The following ZBTB38 variants were observed in gnomAD, a reference collection of about 807,000 sequenced individuals.
ZBTB38 encodes zinc finger and BTB domain containing 38, also known as zinc finger and BTB domain-containing protein 38.
A neutral mutation model predicts 76.8 loss-of-function variants in ZBTB38; 20 were observed. The ratio of observed to expected loss-of-function variants is 0.26; its 90% CI spans 0.18 to 0.38. The LOEUF is 0.38. Among genes scored for constraint, ZBTB38 ranks in the 10% least tolerant of loss-of-function variants. ZBTB38 has a pLI of 1.00. For missense variants in ZBTB38, 1,082 were observed against 1,482.3 expected, an observed-to-expected ratio of 0.73 and a Z score of 4.43; for synonymous variants, 504 against 544.2, an observed-to-expected ratio of 0.93 and a Z score of 1.03.
At chr3:141,419,291 A>C (rs1223212592) in intron 5 of ZBTB38, among the ~76,000 whole-genome samples, 2 of 152,212 alleles carry the variant, frequency 1.3e-5, no homozygotes, top group African/African-American at 2.4e-5. Flanking sequence ...ACCTCCCACC[A>C]GGCCCCTCCT....
In ZBTB38 at chr3:141,443,978, A is replaced by C; in HGVS notation, c.1590A>C (p.Ile530=). ...TTGAAACTTTCATGACCTACTATAT[A>C]CTCAAAAATCATCAGAAGTCTTTCC... ...FCLETFMTYY[I]LKNHQKSFHA... The change falls in exon 6 of 6, where the codon ATA becomes ATC. Residue 530 remains isoleucine, a synonymous_variant. Coordinates refer to ENST00000321464, the MANE Select transcript of ZBTB38 (RefSeq NM_001376113.1). The surrounding 1 kb of genome is among the most constrained non-coding windows in gnomAD (Gnocchi z 5.6). 1 of 1,614,064 alleles carries C rather than the reference A, an allele frequency of 6.2e-7. No individual in the cohort carries two copies. Among genetic ancestry groups the C allele is most frequent in the African/African-American group, 1.3e-5 (1 of 74,990 alleles).
intron 1 of ZBTB38, among the ~76,000 whole-genome samples, chr3:141,346,338 G>A (rs987049347): frequency 2.0e-5 from 3 of 152,164 alleles, no homozygotes; most frequent in South Asian, 2.1e-4. Flanking sequence ...TAACCTTGAC[G>A]CTGGAGTGAG....
At chr3:141,337,250 A>T (rs1409224643) in intron 1 of ZBTB38, among the ~76,000 whole-genome samples, 1 of 152,204 alleles carries the variant, frequency 6.6e-6, no homozygotes. Flanking sequence ...TTACTCCACA[A>T]TACCTGTTGA....
chr3:141,419,969 A>G (rs1311641279), intron 5 of ZBTB38, among the ~76,000 whole-genome samples: 2 of 152,192 alleles, frequency 1.3e-5, no homozygotes, highest in African/African-American at 2.4e-5. Flanking sequence ...CATGGGCGAC[A>G]AGAGCACAAC....
Position 141,394,204 on chromosome 3 carries a change from G to A in ZBTB38, c.-106+7267G>A, listed in dbSNP as rs972591980. On this transcript the variant is annotated intron_variant, in intron 4 of 5. Coordinates refer to ENST00000321464, the MANE Select transcript of ZBTB38 (RefSeq NM_001376113.1). ...TTTTGTATTTATTTTTTTTAGTACA[G>A]ACGGGGTTTCACCATGTTGGCCAGG... is the stretch of plus-strand genomic sequence containing the variant. 4 of 152,132 alleles carry A rather than the reference G, an allele frequency of 2.6e-5. No individual in the cohort carries two copies. The East Asian group carries it at 7.8e-4, about 30-fold the overall frequency. The allele number at this position is 152,132 out of a possible 1,614,324, so 9.4% of individuals were successfully genotyped here. A position where few individuals can be genotyped will look rare whatever the true frequency, so the allele number is the denominator to read the frequency against.
rs1454992719 is a variant in ZBTB38 at position 141,442,783 on chromosome 3, G to C, written c.395G>C (p.Gly132Ala). Residue 132 changes from glycine (G) to alanine (A), a missense_variant, in exon 6 of 6, where the codon GGT becomes GCT. By Grantham distance (60) the Gly-to-Ala change is moderately conservative. Around this residue, in one of 8 missense-constraint regions of ZBTB38, gnomAD observed 34 missense variants for 40.4 expected, o/e 0.84. Transcript: ENST00000321464. The surrounding 1 kb of genome is among the most constrained non-coding windows in gnomAD (Gnocchi z 6.4). ...LTDRNFSNSP[G>A]PYVFCITEKG... ...GATCGCAACTTCTCAAATTCCCCGG[G>C]TCCCTATGTATTCTGTATTACTGAA... 1 of 1,614,042 alleles carries C rather than the reference G, an allele frequency of 6.2e-7. No individual in the cohort carries two copies. The highest frequency in any genetic ancestry group is 8.5e-7 in the Non-Finnish European group (1 of 1,180,010).
rs776165745 is a variant in ZBTB38 at position 141,444,570 on chromosome 3, A to G, written c.2182A>G (p.Met728Val). 2 of 1,614,212 alleles carry G rather than the reference A, an allele frequency of 1.2e-6. No homozygotes were observed. Residue 728 changes from methionine to valine, a missense_variant, in exon 6 of 6, where the codon ATG becomes GTG. Coordinates refer to ENST00000321464, the MANE Select transcript of ZBTB38 (RefSeq NM_001376113.1). The surrounding 1 kb of genome is among the most constrained non-coding windows in gnomAD (Gnocchi z 5.1). ...VHSSQFSSVI[M>V]HSNAIAAMTS... ...CAGCAGCCAGTTTTCATCGGTGATC[A>G]TGCACAGCAATGCCATTGCTGCCAT...
At chr3:141,337,845 A>G (rs1943060641) in intron 1 of ZBTB38, among the ~76,000 whole-genome samples, 1 of 152,224 alleles carries the variant, frequency 6.6e-6, no homozygotes, top group South Asian at 2.1e-4. Context: ...ACTTGCGGAG[A>G]TTACATAATT....
At chr3:141,348,595 G>A (rs1373540624) in intron 1 of ZBTB38, among the ~76,000 whole-genome samples, 1 of 152,172 alleles carries the variant, frequency 6.6e-6, no homozygotes, top group Non-Finnish European at 1.5e-5. Flanking sequence ...GCAAGTCAAT[G>A]TGGCTACCAT....
intron 5 of ZBTB38, among the ~76,000 whole-genome samples, chr3:141,410,972 C>G (rs1349389996): frequency 1.3e-5 from 2 of 152,118 alleles, no homozygotes; most frequent in Non-Finnish European, 2.9e-5. Flanking sequence ...TTCAGCAACC[C>G]GTGAAGGCAG....
At chr3:141,414,093 T>G (rs2073340613) in intron 5 of ZBTB38, among the ~76,000 whole-genome samples, 1 of 152,172 alleles carries the variant, frequency 6.6e-6, no homozygotes, top group South Asian at 2.1e-4. Context: ...AACCTACATG[T>G]GATTTATACT....
At chr3:141,354,541 G>T (rs1199571544) in intron 1 of ZBTB38, among the ~76,000 whole-genome samples, 1 of 152,024 alleles carries the variant, frequency 6.6e-6, no homozygotes, top group Non-Finnish European at 1.5e-5. Flanking sequence ...CCTCCTAGAA[G>T]CTCTCTTCCA....
chr3:141,378,379 G>C (rs1011150557), intron 2 of ZBTB38, among the ~76,000 whole-genome samples: 1 of 151,866 alleles, frequency 6.6e-6, no homozygotes, highest in Admixed American at 6.6e-5. Flanking sequence ...CACACACACA[G>C]AGTGCATGTA....
intron 1 of ZBTB38, among the ~76,000 whole-genome samples, chr3:141,329,643 G>T (rs1321332726): frequency 6.6e-6 from 1 of 152,208 alleles, no homozygotes; most frequent in Non-Finnish European, 1.5e-5. Flanking sequence ...TAGGGACAGG[G>T]GAGGAGAGCA....
rs1359166349 is a variant in ZBTB38, at chr3:141,448,271, T to A, written c.*2295T>A. 6.6e-6 allele frequency: 1 copy of A among 152,608 alleles called. No individual in the cohort carries two copies. Among genetic ancestry groups the A allele is most frequent in the Non-Finnish European group, 1.5e-5 (1 of 68,010 alleles). 9.5% of individuals were successfully genotyped at this position (152,608 alleles called of 1,614,324 possible). On this transcript the variant is annotated 3_prime_UTR_variant, in exon 6 of 6. Transcript: ENST00000321464. ...GTAAATATGGCAGAATATTTATACATGAAAAAATAATTTTGCAAATATTTT... is the reference window on the plus strand; with the variant it reads ...GTAAATATGGCAGAATATTTATACAAGAAAAAATAATTTTGCAAATATTTT...
intron 5 of ZBTB38, chr3:141,438,307 C>G (rs2079284066): frequency 6.6e-6 from 1 of 152,044 alleles, no homozygotes; most frequent in Admixed American, 6.6e-5. Context: ...ACCACAACCT[C>G]CGCCTCCCGG....
intron 5 of ZBTB38, chr3:141,432,356 T>C: frequency 4.5e-6 from 4 of 881,378 alleles, no homozygotes; most frequent in Non-Finnish European, 5.4e-6. Context: ...GTCGATTCTG[T>C]TGTTATTATG....
chr3:141,352,317 G>T (rs1943540475), intron 1 of ZBTB38, among the ~76,000 whole-genome samples: 1 of 151,974 alleles, frequency 6.6e-6, no homozygotes, highest in Admixed American at 6.6e-5. Flanking sequence ...CCTCCTTCTG[G>T]GGTTACACAA....
intron 5 of ZBTB38, chr3:141,427,944 G>T (rs1255933466): frequency 6.6e-6 from 1 of 152,272 alleles, no homozygotes; most frequent in Non-Finnish European, 1.5e-5. Context: ...GGCAGACACA[G>T]ATTAATTACA....
Sources: gnomAD v4.1 joint callset for allele counts (sites outside exome capture counted in the v4.1 genomes callset) on GRCh38, gnomAD v4.1.1 for gene constraint, gnomAD v4.1.1 regional missense constraint, Gnocchi (gnomAD v3.1) non-coding constraint, MANE v1.5 for transcripts, NCBI Gene and HGNC (gene_info 2026-07-23, HGNC 2026-07-21) for gene names.